Variants in COL13A1 observed in about 807,000 individuals in gnomAD.
COL13A1 encodes collagen type XIII alpha 1 chain.
Under a neutral mutation model 130.9 loss-of-function variants are expected in COL13A1, and 89 were observed. The ratio of observed to expected loss-of-function variants is 0.68; its 90% CI spans 0.57 to 0.81. The LOEUF (loss-of-function observed/expected upper bound fraction) is 0.81, where lower values mean the gene tolerates loss of function less well. COL13A1 is among the 30% of genes least tolerant of loss of function. COL13A1 has a pLI of 0.00. For missense variants in COL13A1, 879 were observed against 934.6 expected (o/e 0.94, Z 0.78); for synonymous variants, 402 against 341.6 (o/e 1.18, Z -1.95).
At chr10:69,880,804 C>T (rs1361605708) in intron 7 of COL13A1, among the ~76,000 whole-genome samples, 9 of 152,236 alleles carry the variant, frequency 5.9e-5, no homozygotes, top group Admixed American at 5.9e-4. Flanking sequence ...AGCCACGAAA[C>T]TACAGCAGCT....
At chr10:69,913,539 G>A (rs2063597528) in intron 17 of COL13A1, among the ~76,000 whole-genome samples, 1 of 152,194 alleles carries the variant, frequency 6.6e-6, no homozygotes, top group African/African-American at 2.4e-5. Context: ...CATGCCCCAA[G>A]GAACAGTCCT....
At chr10:69,932,071 A>T (rs1253852081) in intron 30 of COL13A1, among the ~76,000 whole-genome samples, 1 of 149,106 alleles carries the variant, frequency 6.7e-6, no homozygotes, top group East Asian at 2.0e-4. Flanking sequence ...CAGAGTAGAC[A>T]GTTCACATTA....
chr10:69,851,889 A>T (rs1369806851), intron 2 of COL13A1, among the ~76,000 whole-genome samples: 4 of 152,176 alleles, frequency 2.6e-5, no homozygotes, highest in Non-Finnish European at 5.9e-5. Flanking sequence ...TTCTGACCTC[A>T]GGTGATCCAC....
rs143632039 is a variant in COL13A1, at chr10:69,869,775, A to G, written c.372+1970A>G. 5.2e-3 allele frequency among the ~76,000 whole-genome samples: 785 copies of G among 152,308 alleles called. 3 individuals carry two copies. Among genetic ancestry groups the G allele is most frequent in the African/African-American group, 0.018 (741 of 41,562 alleles). ...ACATCTATTGGCCATCCCTGGATTC[A>G]ATTTAAGGGAGAATTTCCTAATACT... On this transcript the variant is annotated intron_variant, in intron 3 of 40. Coordinates refer to ENST00000645393, the MANE Select transcript of COL13A1 (RefSeq NM_001368882.1).
intron 2 of COL13A1, among the ~76,000 whole-genome samples, chr10:69,835,248 C>T (rs1211218578): frequency 1.3e-5 from 2 of 152,214 alleles, no homozygotes; most frequent in Non-Finnish European, 2.9e-5. Flanking sequence ...GCCACAGTGA[C>T]GCTAAAGGAA....
At chr10:69,845,613 A>G (rs757053556) in intron 2 of COL13A1, among the ~76,000 whole-genome samples, 12 of 151,954 alleles carry the variant, frequency 7.9e-5, no homozygotes, top group Admixed American at 2.0e-4. Flanking sequence ...CCCCTCCCCA[A>G]TGGGAACCAG....
In COL13A1 at chr10:69,815,008, C is replaced by T. The variant is rs1844079665; in HGVS notation, c.295-7361C>T. Among the ~76,000 whole-genome samples the T allele has an allele frequency of 5.3e-5, 8 of 152,174 alleles. No individual in the cohort carries two copies. In the South Asian group the frequency reaches 1.4e-3, roughly 28 times the overall value. On this transcript the variant is annotated intron_variant, in intron 1 of 40. Transcript: ENST00000645393. The stretch of plus-strand genomic sequence containing the variant: ...TTCAACCCAAAATTGATAGATGCTC[C>T]GTGGTTTCCCAGGCACTTGCCTCTG...
chr10:69,863,079 G>A (rs1465901501), intron 2 of COL13A1, among the ~76,000 whole-genome samples: 4 of 152,170 alleles, frequency 2.6e-5, no homozygotes, highest in Admixed American at 6.5e-5. Flanking sequence ...GAGGAGCCCC[G>A]AGGCAGGTCT....
At chr10:69,888,212 C>A (rs1053281014) in intron 8 of COL13A1, 92 bp from the exon 9 acceptor site, 16 of 1,476,420 alleles carry the variant, frequency 1.1e-5, no homozygotes, top group South Asian at 4.8e-5. Context: ...TTATCAGAAT[C>A]CAGAATCTGT....
intron 31 of COL13A1, 104 bp downstream of exon 31, chr10:69,932,708 C>A: frequency 1.3e-6 from 1 of 760,242 alleles, no homozygotes; most frequent in South Asian, 1.5e-5. Flanking sequence ...CTGATGTTTA[C>A]GTTTACTGAG....
At chr10:69,828,068 G>C (rs959558655) in intron 2 of COL13A1, among the ~76,000 whole-genome samples, 2 of 152,124 alleles carry the variant, frequency 1.3e-5, no homozygotes, top group South Asian at 4.1e-4. Context: ...ACTGTTTCAG[G>C]TAGCTCCAAA....
chr10:69,906,005 C>G (rs1026997027), intron 17 of COL13A1, among the ~76,000 whole-genome samples, 183 bp downstream of exon 17: 3 of 152,212 alleles, frequency 2.0e-5, no homozygotes, highest in African/African-American at 7.2e-5. Context: ...CTGGGATCCA[C>G]CTAGGCAGAG....
chr10:69,870,829 C>T (rs981771905), intron 3 of COL13A1, among the ~76,000 whole-genome samples: 1 of 151,698 alleles, frequency 6.6e-6, no homozygotes. Flanking sequence ...CTGAGCTTCT[C>T]GGTGGTCAGA....
chr10:69,885,035 T>G (rs1266294408), intron 7 of COL13A1, among the ~76,000 whole-genome samples: 1 of 152,242 alleles, frequency 6.6e-6, no homozygotes, highest in East Asian at 1.9e-4. Flanking sequence ...GCCAATTTAT[T>G]CATTATATTG....
intron 7 of COL13A1, among the ~76,000 whole-genome samples, chr10:69,885,067 A>G (rs1303889410): frequency 6.6e-6 from 1 of 152,242 alleles, no homozygotes. Context: ...AACGAGCGAA[A>G]TACTTAGATA....
rs936061357 is a variant in COL13A1, at chr10:69,829,525, T to G, written c.364+7087T>G. 7.9e-5 allele frequency among the ~76,000 whole-genome samples: 12 copies of G among 152,314 alleles called. No homozygotes were observed. The East Asian group carries it at 2.3e-3, about 29-fold the overall frequency. ...AGCCCTGGCCAAGCCAGACAGAACG[T>G]TATGCTTTAGAAATCAGCCAGTCCA... On this transcript the variant is annotated intron_variant, in intron 2 of 40. Transcript: ENST00000645393.
intron 2 of COL13A1, among the ~76,000 whole-genome samples, chr10:69,851,060 G>C (rs1854646318): frequency 6.6e-6 from 1 of 152,234 alleles, no homozygotes. Flanking sequence ...CATGGGCCAG[G>C]GGTCCTGAGA....
chr10:69,803,164 G>A (rs1013469708), intron 1 of COL13A1, among the ~76,000 whole-genome samples: 1 of 152,172 alleles, frequency 6.6e-6, no homozygotes, highest in Non-Finnish European at 1.5e-5. Flanking sequence ...ACCCCTTAAG[G>A]ACCCGGGGGG....
At chr10:69,887,810 C>T (rs939173364) in intron 8 of COL13A1, among the ~76,000 whole-genome samples, 6 of 152,182 alleles carry the variant, frequency 3.9e-5, no homozygotes, top group Non-Finnish European at 2.9e-5. Context: ...TGTGGGAGAA[C>T]ACCCTGCAGC....
Sources: gnomAD v4.1 joint callset for allele counts (sites outside exome capture counted in the v4.1 genomes callset) on GRCh38, gnomAD v4.1.1 for gene constraint, MANE v1.5 for transcripts, NCBI Gene and HGNC (gene_info 2026-07-23, HGNC 2026-07-21) for gene names.